The following CBFA2T2 variants were observed in gnomAD, a reference collection of about 807,000 sequenced individuals.
CBFA2T2 encodes CBFA2/RUNX1 partner transcriptional co-repressor 2, also known as protein CBFA2T2.
CBFA2T2 carries 11 observed loss-of-function variants against 62.2 expected under a neutral mutation model. The ratio of observed to expected loss-of-function variants is 0.18; its 90% CI spans 0.11 to 0.29. The LOEUF is 0.29. CBFA2T2 is among the 10% of genes least tolerant of loss of function. The pLI is 1.00. For missense variants in CBFA2T2, 592 were observed against 774.1 expected, an observed-to-expected ratio of 0.76 and a Z score of 2.79; for synonymous variants, 295 against 287.5, an observed-to-expected ratio of 1.03 and a Z score of -0.27.
At chr20:33,502,812 C>T (rs914508341) in intron 1 of CBFA2T2, among the ~76,000 whole-genome samples, 9 of 146,912 alleles carry the variant, frequency 6.1e-5, no homozygotes, top group African/African-American at 2.2e-4. Context: ...ATTTGGAGGC[C>T]GGGCGCGGTG....
At chr20:33,525,697 A>G (rs1260908649) in intron 1 of CBFA2T2, among the ~76,000 whole-genome samples, 2 of 152,058 alleles carry the variant, frequency 1.3e-5, no homozygotes, top group African/African-American at 4.8e-5. Context: ...TGTCACCCAG[A>G]TTGGAGTGCA....
intron 1 of CBFA2T2, among the ~76,000 whole-genome samples, chr20:33,516,570 G>A (rs1250847059): frequency 2.0e-5 from 3 of 152,220 alleles, no homozygotes; most frequent in Non-Finnish European, 2.9e-5. Flanking sequence ...TCCAGAGTTC[G>A]AGACCAGCCT....
intron 1 of CBFA2T2, among the ~76,000 whole-genome samples, chr20:33,522,982 C>T (rs6059365): frequency 0.89 from 136,037 of 152,146 alleles, 62,276 homozygotes; most frequent in Non-Finnish European, 1. Context: ...AGAGAAAATA[C>T]AGAAGTTTGA....
chr20:33,624,591 G>T (rs2016141316), intron 5 of CBFA2T2, among the ~76,000 whole-genome samples, 173 bp from the exon 6 acceptor site: 1 of 152,126 alleles, frequency 6.6e-6, no homozygotes, highest in Non-Finnish European at 1.5e-5. Flanking sequence ...ATTTACATGA[G>T]GTGCCTGGCC....
rs1454459096 is a variant in CBFA2T2 at position 33,545,437 on chromosome 20, TTC to T, written c.34+55140_34+55141del. On this transcript the variant is annotated intron_variant, in intron 1 of 10. Transcript: ENST00000342704. ...TTTAGCTCTCATTAAGACTCTTTCT[TTC>T]TCTTTCTTTCTTTCTTTCTTTCTTT... Among the ~76,000 whole-genome samples, 15 of 142,884 alleles carry T rather than the reference TTC, an allele frequency of 1.0e-4. No homozygotes were observed. The East Asian group carries it at 2.6e-3, about 25-fold the overall frequency. The allele number at this position is 142,884 out of a possible 152,430, so 93.7% of individuals were successfully genotyped here.
At chr20:33,588,892 T>C (rs936179338) in intron 1 of CBFA2T2, among the ~76,000 whole-genome samples, 12 of 152,048 alleles carry the variant, frequency 7.9e-5, no homozygotes, top group Middle Eastern at 6.8e-3. Context: ...CAGTGAGCCA[T>C]GATCGCGCCA....
At chr20:33,615,016 G>T (rs775220143) in intron 3 of CBFA2T2, among the ~76,000 whole-genome samples, 1 of 152,122 alleles carries the variant, frequency 6.6e-6, no homozygotes, top group African/African-American at 2.4e-5. Flanking sequence ...TCTTTTACAC[G>T]TGTGGAAACA....
intron 10 of CBFA2T2, among the ~76,000 whole-genome samples, chr20:33,642,112 T>TG (rs1555851358): frequency 1.5e-4 from 11 of 74,618 alleles, no homozygotes; most frequent in Admixed American, 7.8e-4. Context: ...TGTCTTTTTT[T>TG]TTTTTGTGTG....
intron 1 of CBFA2T2, among the ~76,000 whole-genome samples, chr20:33,576,942 A>G (rs1299897369): frequency 6.6e-6 from 1 of 152,170 alleles, no homozygotes; most frequent in Non-Finnish European, 1.5e-5. Context: ...CTGTTTATTT[A>G]TTGCCATATT....
At chr20:33,492,541 GTC>G (rs375066694) in intron 1 of CBFA2T2, among the ~76,000 whole-genome samples, 1 of 151,602 alleles carries the variant, frequency 6.6e-6, no homozygotes, top group Non-Finnish European at 1.5e-5. Context: ...TTTTGAGACA[GTC>G]TCTCTCTGTC....
chr20:33,514,970 G>T (rs2011575004), intron 1 of CBFA2T2, among the ~76,000 whole-genome samples: 2 of 151,842 alleles, frequency 1.3e-5, no homozygotes, highest in Admixed American at 6.6e-5. Context: ...GGGATTACAG[G>T]CGTGAGCCAC....
chr20:33,620,599 G>C (rs1292507433), intron 4 of CBFA2T2, among the ~76,000 whole-genome samples: 1 of 152,192 alleles, frequency 6.6e-6, no homozygotes, highest in African/African-American at 2.4e-5. Flanking sequence ...ATGCACGTTG[G>C]GAGGCCGAGG....
chr20:33,541,216 G>T (rs2012402291), intron 1 of CBFA2T2, among the ~76,000 whole-genome samples: 1 of 152,154 alleles, frequency 6.6e-6, no homozygotes, highest in South Asian at 2.1e-4. Flanking sequence ...AGCATTGAGG[G>T]CACTGAAAGG....
chr20:33,512,337 C>T (rs745621026), intron 1 of CBFA2T2, among the ~76,000 whole-genome samples: 3 of 152,002 alleles, frequency 2.0e-5, no homozygotes, highest in Admixed American at 6.6e-5. Flanking sequence ...GGCGACAGAG[C>T]GAGACTCCCT....
intron 3 of CBFA2T2, among the ~76,000 whole-genome samples, chr20:33,616,920 C>G (rs773978262): frequency 6.6e-6 from 1 of 152,176 alleles, no homozygotes; most frequent in Non-Finnish European, 1.5e-5. Flanking sequence ...TACAGAAATC[C>G]TTGTCCCCCT....
chr20:33,531,082 CTAAA>C (rs1311485342), intron 1 of CBFA2T2, among the ~76,000 whole-genome samples: 1 of 152,022 alleles, frequency 6.6e-6, no homozygotes, highest in Non-Finnish European at 1.5e-5. Context: ...GACTCCGTCT[CTAAA>C]TAAATAAACA....
At chr20:33,497,392 A>G (rs2011213407) in intron 1 of CBFA2T2, among the ~76,000 whole-genome samples, 1 of 151,086 alleles carries the variant, frequency 6.6e-6, no homozygotes, top group Non-Finnish European at 1.5e-5. Flanking sequence ...AGATGCTCTC[A>G]TTAGTCCCAG....
At chr20:33,576,067 G>A (rs902006922) in intron 1 of CBFA2T2, among the ~76,000 whole-genome samples, 10 of 152,202 alleles carry the variant, frequency 6.6e-5, no homozygotes, top group Middle Eastern at 3.4e-3. Flanking sequence ...GATTACAGGC[G>A]TGAGCCACCG....
At chr20:33,573,627 G>A (rs1314809623) in intron 1 of CBFA2T2, among the ~76,000 whole-genome samples, 1 of 151,844 alleles carries the variant, frequency 6.6e-6, no homozygotes, top group East Asian at 1.9e-4. Context: ...GACTACAGGC[G>A]TGCACTACCA....
Sources: allele counts gnomAD v4.1 joint callset (sites outside exome capture counted in the v4.1 genomes callset), GRCh38; gene constraint gnomAD v4.1.1; transcripts MANE v1.5; gene names NCBI Gene and HGNC (gene_info 2026-07-23, HGNC 2026-07-21).